Variants in ANKRD17 observed in about 807,000 individuals in gnomAD.
The protein encoded by ANKRD17 is ankyrin repeat domain 17.
Under a neutral mutation model 229.7 loss-of-function variants are expected in ANKRD17, and 19 were observed. That is an observed-to-expected ratio of 0.08 (90% CI 0.06 to 0.12). The LOEUF (loss-of-function observed/expected upper bound fraction) is 0.12. Among genes scored for constraint, ANKRD17 ranks in the 10% least tolerant of loss-of-function variants. The pLI is 1.00. For missense variants in ANKRD17, 2,176 were observed against 3,176.8 expected (o/e 0.68, Z 7.57); for synonymous variants, 1,112 against 1,146.1 (o/e 0.97, Z 0.60).
intron 12 of ANKRD17, 113 bp from the exon 13 acceptor site, chr4:73,142,498 G>A (rs1307320231): frequency 6.4e-7 from 1 of 1,567,912 alleles, no homozygotes; most frequent in Non-Finnish European, 8.7e-7. Context: ...TCATAGGTTT[G>A]GTAAAGAACG....
rs1733235106 is a variant in ANKRD17 at position 73,166,400 on chromosome 4, G to A, written c.548-5052C>T. 2.0e-5 allele frequency among the ~76,000 whole-genome samples: 3 copies of A among 152,216 alleles called. No homozygotes were observed. In the South Asian group the frequency reaches 6.2e-4, roughly 32 times the overall value. On this transcript the variant is annotated intron_variant, in intron 2 of 33. Coordinates refer to ENST00000358602, the MANE Select transcript of ANKRD17 (RefSeq NM_032217.5). ...AGAAGTTTAGTAACTTTAAAGGTCT[G>A]AGAGTGGTTTTTTAAACTGGAACTC...
chr4:73,149,750 A>G (rs992083395), intron 7 of ANKRD17, among the ~76,000 whole-genome samples: 3 of 152,120 alleles, frequency 2.0e-5, no homozygotes, highest in Non-Finnish European at 4.4e-5. Context: ...ACTTCGTCCC[A>G]GCTACTCAAG....
intron 30 of ANKRD17, chr4:73,080,605 G>GA (rs1250465561): frequency 6.6e-6 from 1 of 152,092 alleles, no homozygotes; most frequent in East Asian, 1.9e-4. Flanking sequence ...AAACCTCTAG[G>GA]AAAAATCAAC....
chr4:73,136,155 T>G (rs1300780186), intron 15 of ANKRD17, among the ~76,000 whole-genome samples: 2 of 152,152 alleles, frequency 1.3e-5, no homozygotes. Flanking sequence ...CTTTATTCTC[T>G]CATTGCCTTA....
intron 22 of ANKRD17, among the ~76,000 whole-genome samples, chr4:73,116,745 T>A (rs1157484355): frequency 2.0e-5 from 3 of 152,116 alleles, no homozygotes; most frequent in Non-Finnish European, 2.9e-5. Context: ...GGTATGGATC[T>A]TACCTTTCCA....
chr4:73,187,413 G>A (rs1231750005), intron 1 of ANKRD17, among the ~76,000 whole-genome samples: 1 of 152,158 alleles, frequency 6.6e-6, no homozygotes. Context: ...TATAAAAGTG[G>A]AAGTGAGACA....
rs750829959 is a variant in ANKRD17, at chr4:73,078,790, G to C, written c.7260C>G (p.Asp2420Glu). The change falls in exon 31 of 34, where the codon GAC becomes GAG. Residue 2420 changes from aspartate (D) to glutamate (E), a missense_variant. Asp to Glu is a conservative substitution (Grantham distance 45, BLOSUM62 2). This residue lies in a region of ANKRD17 where 87 missense variants were observed against 116.0 expected (regional missense o/e 0.75). Coordinates refer to ENST00000358602, the MANE Select transcript of ANKRD17 (RefSeq NM_032217.5). The stretch of plus-strand genomic sequence containing the variant: ...TCCCAATAGGGACTGGAACTTTCCT[G>C]TCCTGAGACACATTGCTGGGCTTTT... ...GSEKPSNVSQ[D>E]RKVPVPIGTE... 1.2e-6 allele frequency: 2 copies of C among 1,614,134 alleles called. No individual in the cohort carries two copies. Among genetic ancestry groups the C allele is most frequent in the Non-Finnish European group, 1.7e-6 (2 of 1,180,014 alleles).
At chr4:73,116,786 A>ATATATACATATATAGACAATATG (rs1172065209) in intron 22 of ANKRD17, among the ~76,000 whole-genome samples, 2 of 151,998 alleles carry the variant, frequency 1.3e-5, no homozygotes, top group African/African-American at 2.4e-5. Flanking sequence ...AGTATATGTT[A>ATATATACATATATAGACAATATG]TATATACATA....
chr4:73,195,793 C>T (rs1737787038), intron 1 of ANKRD17, among the ~76,000 whole-genome samples: 1 of 152,098 alleles, frequency 6.6e-6, no homozygotes, highest in South Asian at 2.1e-4. Flanking sequence ...AGGCATGAGC[C>T]ACCGTGCCCA....
chr4:73,181,233 T>C (rs1735502820), intron 1 of ANKRD17, among the ~76,000 whole-genome samples: 1 of 152,202 alleles, frequency 6.6e-6, no homozygotes, highest in Non-Finnish European at 1.5e-5. Flanking sequence ...ACACACACAT[T>C]TATTGCAAAC....
intron 1 of ANKRD17, among the ~76,000 whole-genome samples, chr4:73,224,919 A>T (rs1742309688): frequency 6.6e-6 from 1 of 152,236 alleles, no homozygotes; most frequent in African/African-American, 2.4e-5. Flanking sequence ...CAAGTATCAG[A>T]CAGGGCACAC....
rs1169079744 is a variant in ANKRD17, at chr4:73,179,488, GTA to G, written c.394-1957_394-1956del. 2.2e-3 allele frequency among the ~76,000 whole-genome samples: 105 copies of G among 48,202 alleles called. 2 individuals carry two copies. Among genetic ancestry groups the G allele is most frequent in the African/African-American group, 6.0e-3 (68 of 11,332 alleles). The allele number at this position is 48,202 out of a possible 152,430, so 31.6% of individuals were successfully genotyped here. A position where few individuals can be genotyped will look rare whatever the true frequency, so the allele number is the denominator to read the frequency against. On this transcript the variant is annotated intron_variant, in intron 1 of 33. Coordinates refer to ENST00000358602, the MANE Select transcript of ANKRD17 (RefSeq NM_032217.5). ...TATATGTGTGTGTGTGTGTGTGTGTGTATATATATATATATATATATATATAT... is the reference window on the plus strand; with the variant it reads ...TATATGTGTGTGTGTGTGTGTGTGTGTATATATATATATATATATATATAT...
chr4:73,183,160 A>G (rs956493400), intron 1 of ANKRD17, among the ~76,000 whole-genome samples: 1 of 152,188 alleles, frequency 6.6e-6, no homozygotes, highest in African/African-American at 2.4e-5. Context: ...AATTACAGAG[A>G]CTCGAGAGAT....
chr4:73,135,201 G>A lies in ANKRD17; in HGVS notation c.3150C>T (p.Ser1050=), dbSNP rs1392726566. Residue 1050 remains serine, a synonymous_variant, in exon 16 of 34, where the codon TCC becomes TCT. Coordinates refer to ENST00000358602, the MANE Select transcript of ANKRD17 (RefSeq NM_032217.5). ...GACTTGGAGTTGGAGTCTGAGGTTG[G>A]GAAATGGATGCAGCAATACTGTGGG... ...TPTHSIAASI[S]QPQTPTPSPI... 12 of 1,613,726 alleles carry A rather than the reference G, an allele frequency of 7.4e-6. No homozygotes were observed. The highest frequency in any genetic ancestry group is 1.3e-5 in the African/African-American group (1 of 74,910).
intron 8 of ANKRD17, 83 bp downstream of exon 8, chr4:73,148,730 T>C: frequency 7.9e-7 from 1 of 1,263,012 alleles, no homozygotes; most frequent in Non-Finnish European, 1.1e-6. Context: ...ACTAGAAAGG[T>C]GAAATACTAA....
intron 1 of ANKRD17, chr4:73,223,094 T>C: frequency 6.6e-7 from 1 of 1,503,766 alleles, no homozygotes; most frequent in Non-Finnish European, 8.9e-7. Flanking sequence ...AACACTCCTC[T>C]GTGTCAGCAA....
At chr4:73,248,319 C>T in intron 1 of ANKRD17, among the ~76,000 whole-genome samples, 1 of 151,892 alleles carries the variant, frequency 6.6e-6, no homozygotes. Context: ...TATTCAAAAA[C>T]CAAAACAAAA....
chr4:73,187,220 C>T (rs1433459044), intron 1 of ANKRD17, among the ~76,000 whole-genome samples: 3 of 151,968 alleles, frequency 2.0e-5, no homozygotes, highest in Non-Finnish European at 4.4e-5. Flanking sequence ...TATGTAAACA[C>T]TATGAAATTT....
chr4:73,125,367 A>C (rs1268974815), intron 16 of ANKRD17, 55 bp from the exon 17 acceptor site: 7 of 1,177,220 alleles, frequency 5.9e-6, no homozygotes, highest in Non-Finnish European at 8.7e-6. Context: ...TGTTAATATC[A>C]AATACATAAT....
Sources: allele counts gnomAD v4.1 joint callset (sites outside exome capture counted in the v4.1 genomes callset), GRCh38; gene constraint gnomAD v4.1.1; regional missense constraint gnomAD v4.1.1; transcripts MANE v1.5; gene names NCBI Gene and HGNC (gene_info 2026-07-23, HGNC 2026-07-21).